The following AHCYL1 variants were observed in gnomAD, a reference collection of about 807,000 sequenced individuals.
AHCYL1 encodes the protein adenosylhomocysteinase like 1.
A neutral mutation model predicts 79.3 loss-of-function variants in AHCYL1; 20 were observed. The ratio of observed to expected loss-of-function variants is 0.25; its 90% confidence interval spans 0.18 to 0.37. The LOEUF (loss-of-function observed/expected upper bound fraction) is 0.37, where lower values mean the gene tolerates loss of function less well. Ranked by LOEUF, AHCYL1 falls within the 10% of genes least tolerant of loss-of-function variation. The probability of loss-of-function intolerance (pLI) is 1.00; values close to 1 mark genes in which losing one functional copy is unlikely to be tolerated. For synonymous variants in AHCYL1, 223 were observed against 242.2 expected (o/e 0.92, Z 0.74); for missense variants, 330 against 673.6 (o/e 0.49, Z 5.65).
chr1:110,019,089 C>A lies in AHCYL1; in HGVS notation c.1356C>A (p.Thr452=), dbSNP rs756749420. ...LLNLSCSTVP[T]FVLSITATTQ... ...ATTTGAGCTGCTCCACAGTTCCCAC[C>A]TTTGTTCTGTCCATCACAGCCACAA... Residue 452 remains threonine (T), a synonymous_variant, in exon 14 of 17, where the codon ACC becomes ACA. Coordinates refer to ENST00000369799, the MANE Select transcript of AHCYL1 (RefSeq NM_006621.7). The A allele has an allele frequency of 6.2e-7, 1 of 1,614,196 alleles. No individual in the cohort carries two copies. Among genetic ancestry groups the A allele is most frequent in the Non-Finnish European group, 8.5e-7 (1 of 1,180,042 alleles).
chr1:109,987,969 A>G (rs1424289400), intron 1 of AHCYL1, among the ~76,000 whole-genome samples: 1 of 152,190 alleles, frequency 6.6e-6, no homozygotes, highest in Non-Finnish European at 1.5e-5. Flanking sequence ...CTATTCGTAT[A>G]TTTATATTCT....
At chr1:110,020,643 T>TA in intron 15 of AHCYL1, 88 bp from the exon 16 acceptor site, 1 of 1,480,292 alleles carries the variant, frequency 6.8e-7, no homozygotes, top group Non-Finnish European at 9.0e-7. Context: ...TCTGCTTTCT[T>TA]AAAAAAGCTT....
At position 109,985,183 on chromosome 1, in the gene AHCYL1, T is replaced by C. The variant is rs1253250546; in HGVS notation, c.120+11T>C. On this transcript the variant is annotated intron_variant, in intron 1 of 16. Coordinates refer to ENST00000369799, the MANE Select transcript of AHCYL1 (RefSeq NM_006621.7). ...AAGGCGCCCAAGAAGGTGCGGGGGCTCTGGGTGGCGGCGGGGGCTCGGGCT... is the reference window on the plus strand; with the variant it reads ...AAGGCGCCCAAGAAGGTGCGGGGGCCCTGGGTGGCGGCGGGGGCTCGGGCT... 1.2e-6 allele frequency: 2 copies of C among 1,602,180 alleles called. No individual in the cohort carries two copies. Among genetic ancestry groups the C allele is most frequent in the Middle Eastern group, 1.7e-4 (1 of 5,986 alleles).
Position 110,018,467 on chromosome 1 carries a change from G to C in AHCYL1, c.1218G>C (p.Val406=), listed in dbSNP as rs1489552843. 6.2e-7 allele frequency: 1 copy of C among 1,614,084 alleles called. No homozygotes were observed. The stretch of plus-strand genomic sequence containing the variant: ...GCCACTCCAACACAGAAATCGATGT[G>C]GTAAGGCTTCTCTCATTTGTTGCTA... ...NMGHSNTEID[V]TSLRTPELTW... The change falls in exon 12 of 17, where the codon GTG becomes GTC. Residue 406 remains valine, a splice_region_variant and synonymous_variant. Coordinates refer to ENST00000369799, the MANE Select transcript of AHCYL1 (RefSeq NM_006621.7).
At chr1:109,993,097 A>G (rs1214870959) in intron 1 of AHCYL1, among the ~76,000 whole-genome samples, 2 of 152,142 alleles carry the variant, frequency 1.3e-5, no homozygotes, top group Admixed American at 6.6e-5. Context: ...AACTTAACAC[A>G]CATTCGAACC....
chr1:110,008,933 G>T, intron 1 of AHCYL1, 101 bp from the exon 2 acceptor site: 1 of 868,586 alleles, frequency 1.2e-6, no homozygotes. Flanking sequence ...GGAACCATGT[G>T]ATTACATGGC....
chr1:110,016,650 C>G lies in AHCYL1; in HGVS notation c.900-17C>G. 1.2e-6 allele frequency: 2 copies of G among 1,613,946 alleles called. No homozygotes were observed. The highest frequency in any genetic ancestry group is 1.7e-6 in the Non-Finnish European group (2 of 1,179,974). On this transcript the variant is annotated splice_polypyrimidine_tract_variant and intron_variant, in intron 8 of 16. Coordinates refer to ENST00000369799, the MANE Select transcript of AHCYL1 (RefSeq NM_006621.7). ...GAGCTATTAACGTTTGAGTTGAGCC[C>G]TTGTCTGTTTCCACAGCCTGAAGAG...
Position 110,018,655 on chromosome 1 carries a change from A to C in AHCYL1, c.1317+5A>C, listed in dbSNP as rs757882767. The stretch of plus-strand genomic sequence containing the variant: ...CGAGTTGTCCTCCTGGCAGAGGTAC[A>C]CACAGAGAAGGACCCTGGCAGAGCA... On this transcript the variant is annotated splice_donor_5th_base_variant and intron_variant, in intron 13 of 16. Transcript: ENST00000369799. 3 of 1,611,842 alleles carry C rather than the reference A, an allele frequency of 1.9e-6. No individual in the cohort carries two copies. The highest frequency in any genetic ancestry group is 2.5e-6 in the Non-Finnish European group (3 of 1,179,146).
Position 109,985,128 on chromosome 1 carries a change from GAGA to G in AHCYL1, c.79_81del (p.Lys27del). Reference sequence around the variant, plus strand: ...GCAGGCCAAGGAGATCGAGGACGCCGAGAAGTACTCCTTCATGGCCACCGTCAC... The same window carrying G: ...GCAGGCCAAGGAGATCGAGGACGCCGAGTACTCCTTCATGGCCACCGTCAC... On this transcript the variant is annotated inframe_deletion, in exon 1 of 17. Transcript: ENST00000369799. The G allele has an allele frequency of 6.2e-7, 1 of 1,611,496 alleles. No individual in the cohort carries two copies. The highest frequency in any genetic ancestry group is 2.2e-5 in the East Asian group (1 of 44,746).
At chr1:109,991,234 A>G (rs2101693285) in intron 1 of AHCYL1, among the ~76,000 whole-genome samples, 1 of 152,348 alleles carries the variant, frequency 6.6e-6, no homozygotes, top group Middle Eastern at 3.4e-3. Flanking sequence ...AACACAAAGT[A>G]AAAAGTTTAA....
chr1:109,992,516 G>C (rs747911124), intron 1 of AHCYL1, among the ~76,000 whole-genome samples: 4 of 152,032 alleles, frequency 2.6e-5, no homozygotes, highest in South Asian at 4.2e-4. Flanking sequence ...AAGACTTCAG[G>C]TTCTCATGAC....
intron 1 of AHCYL1, chr1:109,995,743 C>T: frequency 1.0e-6 from 1 of 955,878 alleles, no homozygotes; most frequent in South Asian, 4.8e-5. Flanking sequence ...TAACTCATTA[C>T]CTGGCTCTAA....
At chr1:109,985,720 A>G (rs890799085) in intron 1 of AHCYL1, among the ~76,000 whole-genome samples, 5 of 152,226 alleles carry the variant, frequency 3.3e-5, no homozygotes, top group African/African-American at 1.2e-4. Context: ...TTCACTTTCT[A>G]CAGCATTCCA....
chr1:109,994,570 T>C (rs1353899437), intron 1 of AHCYL1, among the ~76,000 whole-genome samples: 2 of 152,244 alleles, frequency 1.3e-5, no homozygotes, highest in East Asian at 3.8e-4. Context: ...ATTACAGGCA[T>C]GAGCCACTGC....
At chr1:109,996,729 C>T (rs1354994534) in intron 1 of AHCYL1, among the ~76,000 whole-genome samples, 1 of 152,218 alleles carries the variant, frequency 6.6e-6, no homozygotes, top group Non-Finnish European at 1.5e-5. Context: ...TAATGCACTG[C>T]ACTACGATGT....
At chr1:110,005,759 TA>T (rs11349395) in intron 1 of AHCYL1, among the ~76,000 whole-genome samples, 4,893 of 141,846 alleles carry the variant, frequency 0.034, 200 homozygotes, top group African/African-American at 0.099. Flanking sequence ...CTTCTAATGG[TA>T]AAAAAAAAAA....
intron 1 of AHCYL1, among the ~76,000 whole-genome samples, chr1:110,008,724 AG>A (rs1170478839): frequency 6.6e-6 from 1 of 152,196 alleles, no homozygotes; most frequent in Admixed American, 6.5e-5. Context: ...GGGTTATAAG[AG>A]GGGAAAAAAA....
chr1:109,992,174 C>T (rs1030401159), intron 1 of AHCYL1, among the ~76,000 whole-genome samples: 16 of 151,730 alleles, frequency 1.1e-4, no homozygotes, highest in South Asian at 4.2e-4. Context: ...TTTGGGAGGC[C>T]GAGGCAGGAG....
chr1:109,988,942 AC>A lies in AHCYL1; in HGVS notation c.120+3771del, dbSNP rs1374925874. On this transcript the variant is annotated intron_variant, in intron 1 of 16. Coordinates refer to ENST00000369799, the MANE Select transcript of AHCYL1 (RefSeq NM_006621.7). ...CTCCTTTTGTCATCAGAGTTATCTT[AC>A]GGTTAATTTTTGGTGCAGTTGTATA... Among the ~76,000 whole-genome samples the A allele has an allele frequency of 2.0e-5, 3 of 152,214 alleles. No homozygotes were observed. The East Asian group carries it at 5.8e-4, about 29-fold the overall frequency.
Sources: allele counts gnomAD v4.1 joint callset (sites outside exome capture counted in the v4.1 genomes callset), GRCh38; gene constraint gnomAD v4.1.1; transcripts MANE v1.5; gene names NCBI Gene and HGNC (gene_info 2026-07-23, HGNC 2026-07-21).